Variants in RAB2A observed in about 807,000 individuals in gnomAD.
The protein encoded by RAB2A is ras-related protein Rab-2A.
In RAB2A, 7 loss-of-function variants were observed where a neutral mutation model predicts 32.5. The ratio of observed to expected loss-of-function variants is 0.22; its 90% confidence interval spans 0.12 to 0.40. The LOEUF is 0.40. Ranked by LOEUF, RAB2A falls within the 10% of genes least tolerant of loss-of-function variation. The pLI is 1.00. For synonymous variants in RAB2A, 79 were observed against 85.2 expected, an observed-to-expected ratio of 0.93 and a Z score of 0.40; for missense variants, 108 against 260.7, an observed-to-expected ratio of 0.41 and a Z score of 4.03.
At chr8:60,556,454 ACT>A (rs1341527848) in intron 1 of RAB2A, among the ~76,000 whole-genome samples, 4 of 150,908 alleles carry the variant, frequency 2.7e-5, no homozygotes, top group Non-Finnish European at 5.9e-5. Flanking sequence ...CATGTATATC[ACT>A]CTTATAAATA....
At chr8:60,557,820 C>G (rs889727002) in intron 1 of RAB2A, among the ~76,000 whole-genome samples, 1 of 152,076 alleles carries the variant, frequency 6.6e-6, no homozygotes, top group Non-Finnish European at 1.5e-5. Context: ...CCTACCTTGG[C>G]CTCCCAAAGT....
At chr8:60,594,808 GAACTC>G (rs1398455602) in intron 6 of RAB2A, among the ~76,000 whole-genome samples, 3 of 152,208 alleles carry the variant, frequency 2.0e-5, no homozygotes, top group Non-Finnish European at 2.9e-5. Context: ...CAAAGGACAT[GAACTC>G]AACTTTTTTA....
At chr8:60,581,910 G>A (rs1422302210) in intron 3 of RAB2A, among the ~76,000 whole-genome samples, 2 of 143,940 alleles carry the variant, frequency 1.4e-5, no homozygotes, top group East Asian at 3.9e-4. Context: ...GTATCTTCTA[G>A]TTTTTTGTTG....
intron 1 of RAB2A, among the ~76,000 whole-genome samples, chr8:60,547,372 C>T (rs1452553422): frequency 1.3e-5 from 2 of 152,334 alleles, no homozygotes; most frequent in African/African-American, 2.4e-5. Context: ...TCCACAAAAC[C>T]GCCATTGTCA....
intron 1 of RAB2A, among the ~76,000 whole-genome samples, chr8:60,522,686 T>A (rs1283309877): frequency 6.6e-6 from 1 of 151,970 alleles, no homozygotes; most frequent in Non-Finnish European, 1.5e-5. Flanking sequence ...AAAGGTTAAA[T>A]ACAAGAGAAG....
intron 6 of RAB2A, among the ~76,000 whole-genome samples, chr8:60,618,260 A>G (rs2150439747): frequency 6.6e-6 from 1 of 152,318 alleles, no homozygotes; most frequent in South Asian, 2.1e-4. Flanking sequence ...TGTTAGATGT[A>G]GTTTTTCTTA....
At chr8:60,570,855 T>A (rs1808187942) in intron 2 of RAB2A, among the ~76,000 whole-genome samples, 1 of 152,178 alleles carries the variant, frequency 6.6e-6, no homozygotes, top group Admixed American at 6.5e-5. Flanking sequence ...GTTGGGGAGT[T>A]ATGGGAGATG....
intron 3 of RAB2A, among the ~76,000 whole-genome samples, chr8:60,579,480 T>G (rs1803702847): frequency 6.6e-6 from 1 of 152,206 alleles, no homozygotes; most frequent in Non-Finnish European, 1.5e-5. Flanking sequence ...ACTAAATGTG[T>G]TTTTCTTTAC....
At chr8:60,554,006 TA>T (rs1168196648) in intron 1 of RAB2A, among the ~76,000 whole-genome samples, 1 of 152,252 alleles carries the variant, frequency 6.6e-6, no homozygotes. Flanking sequence ...TTGTTGTTGC[TA>T]ACTATAGAGT....
At chr8:60,552,968 G>A (rs1807879202) in intron 1 of RAB2A, 2 of 152,162 alleles carry the variant, frequency 1.3e-5, no homozygotes, top group Admixed American at 1.3e-4. Flanking sequence ...AGCCTATAAA[G>A]CATGATACAA....
rs530496321 is a variant in RAB2A at position 60,577,655 on chromosome 8, G to A, written c.186+5542G>A. Among the ~76,000 whole-genome samples the A allele has an allele frequency of 1.3e-3, 189 of 150,730 alleles. 1 individual carries two copies. The highest frequency in any genetic ancestry group is 4.4e-3 in the African/African-American group (181 of 40,982). ...TTTTTTTTTTTTGAGACGGAGTCTC[G>A]CTCTGTCGCCCAGGCTGGAGTGCAG... On this transcript the variant is annotated intron_variant, in intron 3 of 7. Coordinates refer to ENST00000262646, the MANE Select transcript of RAB2A (RefSeq NM_002865.3).
intron 1 of RAB2A, among the ~76,000 whole-genome samples, chr8:60,537,315 G>A (rs1254638182): frequency 4.6e-5 from 7 of 150,734 alleles, no homozygotes; most frequent in Admixed American, 2.0e-4. Context: ...TCTGCCTCCC[G>A]GGTTCAAGTG....
intron 1 of RAB2A, among the ~76,000 whole-genome samples, chr8:60,556,578 T>A (rs1807941974): frequency 6.8e-6 from 1 of 147,972 alleles, no homozygotes; most frequent in Non-Finnish European, 1.5e-5. Flanking sequence ...GGTGGTAGGA[T>A]CTCTTGAGCT....
intron 1 of RAB2A, among the ~76,000 whole-genome samples, chr8:60,528,895 ACT>A (rs983604274): frequency 3.3e-5 from 5 of 152,012 alleles, no homozygotes; most frequent in Non-Finnish European, 4.4e-5. Context: ...GATTTAAAAG[ACT>A]CGGTAGGATT....
chr8:60,517,336 G>A, intron 1 of RAB2A, 83 bp downstream of exon 1: 3 of 1,260,820 alleles, frequency 2.4e-6, no homozygotes, highest in South Asian at 1.8e-5. Flanking sequence ...GCGGTGGCGG[G>A]GACGCGGACT....
chr8:60,519,886 T>A (rs934800617), intron 1 of RAB2A, among the ~76,000 whole-genome samples: 2 of 152,156 alleles, frequency 1.3e-5, no homozygotes, highest in African/African-American at 4.8e-5. Context: ...GCTTACTAAT[T>A]TGGGCAAAAT....
rs190312086 is a variant in RAB2A at position 60,611,346 on chromosome 8, A to G, written c.475-7234A>G. Among the ~76,000 whole-genome samples, 14 of 152,268 alleles carry G rather than the reference A, an allele frequency of 9.2e-5. No homozygotes were observed. The East Asian group carries it at 2.3e-3, about 25-fold the overall frequency. On this transcript the variant is annotated intron_variant, in intron 6 of 7. Transcript: ENST00000262646. ...AGCTTCCAACAGAATTGAACTTAAAATCTGCTCCTCTGTCCAGAATGCCCT... is the reference window on the plus strand; with the variant it reads ...AGCTTCCAACAGAATTGAACTTAAAGTCTGCTCCTCTGTCCAGAATGCCCT...
At chr8:60,585,282 T>TTTTGTTTTGTTTTGTTTTGTTTTG (rs1563478268) in intron 5 of RAB2A, among the ~76,000 whole-genome samples, 177 of 148,652 alleles carry the variant, frequency 1.2e-3, no homozygotes, top group African/African-American at 4.2e-3. Flanking sequence ...GGCACCATTC[T>TTTTGTTTTGTTTTGTTTTGTTTTG]TTTTGTTTTG....
At chr8:60,521,954 G>T (rs1373353451) in intron 1 of RAB2A, among the ~76,000 whole-genome samples, 1 of 152,150 alleles carries the variant, frequency 6.6e-6, no homozygotes, top group East Asian at 1.9e-4. Context: ...GTGATTTGGA[G>T]CATTGGTTCA....
Sources: gnomAD v4.1 joint callset for allele counts (sites outside exome capture counted in the v4.1 genomes callset) on GRCh38, gnomAD v4.1.1 for gene constraint, MANE v1.5 for transcripts, NCBI Gene and HGNC (gene_info 2026-07-23, HGNC 2026-07-21) for gene names.